Variants in EML5 observed in about 807,000 individuals in gnomAD.
The protein encoded by EML5 is EMAP like 5.
Under a neutral mutation model 250.0 loss-of-function variants are expected in EML5, and 120 were observed. The observed-to-expected ratio is 0.48, with a 90% CI of 0.41 to 0.56. The LOEUF (loss-of-function observed/expected upper bound fraction) is 0.56. Among genes scored for constraint, EML5 ranks in the 20% least tolerant of loss-of-function variants. EML5 has a pLI of 0.00. For missense variants in EML5, 2,006 were observed against 2,437.6 expected (o/e 0.82, Z 3.73); for synonymous variants, 771 against 806.5 (o/e 0.96, Z 0.75).
chr14:88,653,951 T>C (rs1403010782), intron 27 of EML5, among the ~76,000 whole-genome samples: 1 of 152,182 alleles, frequency 6.6e-6, no homozygotes, highest in Non-Finnish European at 1.5e-5. Flanking sequence ...TATTAATTAC[T>C]GCCTCAATTC....
At chr14:88,684,386 G>C (rs1445836978) in intron 20 of EML5, among the ~76,000 whole-genome samples, 1 of 135,200 alleles carries the variant, frequency 7.4e-6, no homozygotes, top group Non-Finnish European at 1.5e-5. Flanking sequence ...TAGCCGGGAT[G>C]GTCTCGATCT....
At chr14:88,708,740 A>G (rs1387800833) in intron 10 of EML5, among the ~76,000 whole-genome samples, 3 of 151,674 alleles carry the variant, frequency 2.0e-5, no homozygotes, top group Non-Finnish European at 4.4e-5. Flanking sequence ...ATTCCACCAA[A>G]CCTCTTTTGG....
intron 1 of EML5, among the ~76,000 whole-genome samples, chr14:88,773,179 T>C (rs2094411621): frequency 6.6e-6 from 1 of 152,196 alleles, no homozygotes. Flanking sequence ...AATCATCACC[T>C]GAGGCACTGG....
chr14:88,644,576 C>T, intron 29 of EML5, 65 bp from the exon 30 acceptor site: 1 of 1,446,732 alleles, frequency 6.9e-7, no homozygotes, highest in Non-Finnish European at 9.7e-7. Flanking sequence ...GAGCCTCTCA[C>T]ACCATCCCTC....
At chr14:88,623,959 T>G (rs1432955380) in intron 36 of EML5, 1 of 152,266 alleles carries the variant, frequency 6.6e-6, no homozygotes, top group Non-Finnish European at 1.5e-5. Flanking sequence ...CCTATGTGCA[T>G]TCTTCCTTTA....
intron 21 of EML5, among the ~76,000 whole-genome samples, chr14:88,667,976 C>G (rs1483541445): frequency 1.3e-5 from 2 of 152,160 alleles, no homozygotes; most frequent in Admixed American, 6.5e-5. Context: ...TGACTACTCT[C>G]ACTGTTCCAC....
At chr14:88,616,643 T>C (rs964799916) in intron 42 of EML5, 83 bp downstream of exon 42, 2 of 1,331,416 alleles carry the variant, frequency 1.5e-6, no homozygotes, top group East Asian at 5.0e-5. Context: ...GACAAAACAT[T>C]TTAAATATAT....
chr14:88,768,908 C>T (rs1475516152), intron 1 of EML5, among the ~76,000 whole-genome samples: 1 of 152,052 alleles, frequency 6.6e-6, no homozygotes, highest in Non-Finnish European at 1.5e-5. Context: ...CTCTGTGGGC[C>T]ATACAGTTTC....
intron 12 of EML5, among the ~76,000 whole-genome samples, chr14:88,705,213 A>T (rs150923760): frequency 2.4e-4 from 37 of 152,274 alleles, no homozygotes; most frequent in Non-Finnish European, 3.5e-4. Flanking sequence ...TATACTTCAT[A>T]AAAGAATATT....
chr14:88,623,647 C>T (rs964832670), intron 36 of EML5: 1 of 151,300 alleles, frequency 6.6e-6, no homozygotes, highest in Non-Finnish European at 1.5e-5. Context: ...CTCCTGACCT[C>T]GTGATCCGCC....
At chr14:88,731,980 A>G (rs1403982544) in intron 7 of EML5, among the ~76,000 whole-genome samples, 1 of 152,032 alleles carries the variant, frequency 6.6e-6, no homozygotes, top group East Asian at 1.9e-4. Flanking sequence ...TTGTCAGATG[A>G]GTAGAGTGCA....
At chr14:88,692,399 C>T (rs549291009) in intron 17 of EML5, among the ~76,000 whole-genome samples, 5 of 152,200 alleles carry the variant, frequency 3.3e-5, no homozygotes, top group South Asian at 2.1e-4. Flanking sequence ...AGGATGGTTG[C>T]TCTGTACTGA....
intron 17 of EML5, among the ~76,000 whole-genome samples, chr14:88,691,540 A>G (rs896977581): frequency 6.6e-6 from 1 of 152,196 alleles, no homozygotes; most frequent in African/African-American, 2.4e-5. Flanking sequence ...TATTGCATCA[A>G]AAACTTTCAG....
chr14:88,745,057 T>A (rs192828972), intron 3 of EML5, among the ~76,000 whole-genome samples: 2 of 152,244 alleles, frequency 1.3e-5, no homozygotes, highest in Admixed American at 1.3e-4. Flanking sequence ...GGTCTATTTA[T>A]ATAAATTCCA....
intron 27 of EML5, among the ~76,000 whole-genome samples, chr14:88,651,647 G>T (rs1346883509): frequency 6.6e-6 from 1 of 151,766 alleles, no homozygotes; most frequent in African/African-American, 2.4e-5. Context: ...TTACTTAGGA[G>T]ACATAATTTT....
chr14:88,671,404 G>C (rs2141048091), intron 21 of EML5, among the ~76,000 whole-genome samples: 1 of 152,318 alleles, frequency 6.6e-6, no homozygotes, highest in Admixed American at 6.5e-5. Flanking sequence ...CCCGAAGGAA[G>C]CACTAAATAT....
chr14:88,668,856 C>CA (rs1392233866), intron 21 of EML5, among the ~76,000 whole-genome samples: 1 of 151,778 alleles, frequency 6.6e-6, no homozygotes, highest in African/African-American at 2.4e-5. Context: ...AAACCCAGAG[C>CA]AAAAAAGCCA....
rs374191061 is a variant in EML5, at chr14:88,746,187, T to G, written c.454A>C (p.Arg152=). The G allele has an allele frequency of 6.2e-7, 1 of 1,610,488 alleles. No individual in the cohort carries two copies. The highest frequency in any genetic ancestry group is 1.3e-5 in the African/African-American group (1 of 74,874). The stretch of plus-strand genomic sequence containing the variant: ...AAATCTCAAAAGAGAATACTTACTC[T>G]ATCTGTATGACCAGGAGCCATAGAC... ...MLSMAPGHTD[R]IFDISWDLYQ... is the part of the protein sequence containing the mutation. Residue 152 remains arginine (R), a splice_region_variant and synonymous_variant, in exon 3 of 44, where the codon AGA becomes CGA. Coordinates refer to ENST00000554922, the MANE Select transcript of EML5 (RefSeq NM_183387.3).
In EML5 at chr14:88,709,819, A is replaced by G. The variant is rs189165647; in HGVS notation, c.1657+2452T>C. Reference sequence around the variant, plus strand: ...AATTGCAGCATATACTTACAACACAATATTTTGCAGCAGTGAAAAAAAGGC... The same window carrying G: ...AATTGCAGCATATACTTACAACACAGTATTTTGCAGCAGTGAAAAAAAGGC... On this transcript the variant is annotated intron_variant, in intron 10 of 43. Coordinates refer to ENST00000554922, the MANE Select transcript of EML5 (RefSeq NM_183387.3). 1.6e-3 allele frequency among the ~76,000 whole-genome samples: 246 copies of G among 152,328 alleles called. 3 individuals are homozygous for G. Among genetic ancestry groups the G allele is most frequent in the African/African-American group, 4.6e-3 (191 of 41,566 alleles).
Sources: gnomAD v4.1 joint callset for allele counts (sites outside exome capture counted in the v4.1 genomes callset) on GRCh38, gnomAD v4.1.1 for gene constraint, MANE v1.5 for transcripts, NCBI Gene and HGNC (gene_info 2026-07-23, HGNC 2026-07-21) for gene names.